The following MTUS2 variants were observed in gnomAD, a reference collection of about 807,000 sequenced individuals.
MTUS2 encodes the protein microtubule associated scaffold protein 2.
In MTUS2, 40 loss-of-function variants were observed where a neutral mutation model predicts 114.1. The ratio of observed to expected loss-of-function variants is 0.35; its 90% CI spans 0.27 to 0.46. MTUS2 has a LOEUF of 0.46. Ranked by LOEUF, MTUS2 falls within the 20% of genes least tolerant of loss-of-function variation. The pLI is 1.00. For synonymous variants in MTUS2, 688 were observed against 672.0 expected, an observed-to-expected ratio of 1.02 and a Z score of -0.37; for missense variants, 1,679 against 1,705.4, an observed-to-expected ratio of 0.98 and a Z score of 0.27.
intron 2 of MTUS2, among the ~76,000 whole-genome samples, chr13:28,958,694 A>T (rs1883183928): frequency 6.6e-6 from 1 of 152,202 alleles, no homozygotes; most frequent in Non-Finnish European, 1.5e-5. Context: ...AATTGGGTCA[A>T]CAGGTCCCAT....
chr13:28,995,217 G>T (rs541483213), intron 2 of MTUS2, among the ~76,000 whole-genome samples: 115 of 152,284 alleles, frequency 7.6e-4, no homozygotes, highest in African/African-American at 2.6e-3. Context: ...TTGCAGATAT[G>T]CAGCATTATT....
chr13:29,075,002 C>T lies in MTUS2; in HGVS notation c.2447-25771C>T, dbSNP rs533866684. Among the ~76,000 whole-genome samples the T allele has an allele frequency of 9.2e-5, 14 of 152,310 alleles. No homozygotes were observed. In the South Asian group the frequency reaches 1.5e-3, roughly 16 times the overall value. On this transcript the variant is annotated intron_variant, in intron 4 of 15. Transcript: ENST00000612955. ...AAAAAGAAACTTATCAATATACTGTCGCTCCAGATTTCTCAAGCCCCAGCC... is the reference window on the plus strand; with the variant it reads ...AAAAAGAAACTTATCAATATACTGTTGCTCCAGATTTCTCAAGCCCCAGCC...
At chr13:28,899,857 G>T (rs1449459027) in intron 2 of MTUS2, among the ~76,000 whole-genome samples, 1 of 151,948 alleles carries the variant, frequency 6.6e-6, no homozygotes, top group Non-Finnish European at 1.5e-5. Flanking sequence ...ATTGTTCTTT[G>T]CTCAATTAAA....
chr13:28,890,256 A>G (rs1238171008), intron 2 of MTUS2, among the ~76,000 whole-genome samples: 2 of 152,208 alleles, frequency 1.3e-5, no homozygotes, highest in Non-Finnish European at 2.9e-5. Context: ...GAGTGTTATT[A>G]TAGCCATGCT....
chr13:28,866,408 A>C (rs934076658), intron 2 of MTUS2, among the ~76,000 whole-genome samples: 1 of 152,150 alleles, frequency 6.6e-6, no homozygotes, highest in Non-Finnish European at 1.5e-5. Flanking sequence ...GGAGAGCATG[A>C]TAGTAGCGAA....
intron 4 of MTUS2, among the ~76,000 whole-genome samples, chr13:29,086,727 A>T (rs1031942388): frequency 6.6e-6 from 1 of 152,170 alleles, no homozygotes; most frequent in African/African-American, 2.4e-5. Flanking sequence ...TGGCCATTTT[A>T]ACAATGTTGA....
chr13:29,065,044 T>A (rs561095481), intron 4 of MTUS2, among the ~76,000 whole-genome samples: 2 of 152,342 alleles, frequency 1.3e-5, no homozygotes, highest in East Asian at 3.9e-4. Flanking sequence ...GCATTTAGAT[T>A]GATTCCATGT....
intron 2 of MTUS2, among the ~76,000 whole-genome samples, chr13:29,002,218 T>G (rs1885416323): frequency 6.6e-6 from 1 of 152,210 alleles, no homozygotes; most frequent in Non-Finnish European, 1.5e-5. Flanking sequence ...AGAGCCTACC[T>G]TCCTTCACTT....
At chr13:29,179,223 A>G (rs1400147560) in intron 5 of MTUS2, among the ~76,000 whole-genome samples, 1 of 152,222 alleles carries the variant, frequency 6.6e-6, no homozygotes, top group African/African-American at 2.4e-5. Context: ...TTAACACCCA[A>G]GAGGTTAGTA....
At chr13:28,956,996 A>G (rs1256380206) in intron 2 of MTUS2, among the ~76,000 whole-genome samples, 1 of 152,172 alleles carries the variant, frequency 6.6e-6, no homozygotes, top group Non-Finnish European at 1.5e-5. Context: ...GCTGGCGGGA[A>G]GGAAGTGTGG....
chr13:29,278,615 C>G (rs1444687676), intron 5 of MTUS2, among the ~76,000 whole-genome samples: 1 of 152,178 alleles, frequency 6.6e-6, no homozygotes, highest in Admixed American at 6.5e-5. Flanking sequence ...TCCAGTGATG[C>G]TACATTTACT....
At chr13:29,225,486 A>C (rs905811032) in intron 5 of MTUS2, among the ~76,000 whole-genome samples, 2 of 152,200 alleles carry the variant, frequency 1.3e-5, no homozygotes, top group Admixed American at 1.3e-4. Context: ...CAATCATAGA[A>C]TTGAGGGTGA....
chr13:29,180,372 A>C (rs973932674), intron 5 of MTUS2, among the ~76,000 whole-genome samples: 3 of 152,268 alleles, frequency 2.0e-5, no homozygotes, highest in African/African-American at 2.4e-5. Flanking sequence ...AGTATCATAA[A>C]GAAACAAGCA....
chr13:29,193,977 A>G (rs1894559049), intron 5 of MTUS2, among the ~76,000 whole-genome samples: 1 of 152,038 alleles, frequency 6.6e-6, no homozygotes, highest in South Asian at 2.1e-4. Flanking sequence ...AAACCTGAGA[A>G]AAACAAGCAA....
chr13:29,266,339 G>T (rs192347549), intron 5 of MTUS2, among the ~76,000 whole-genome samples: 7 of 152,278 alleles, frequency 4.6e-5, no homozygotes, highest in Admixed American at 2.0e-4. Context: ...ACAGAGCCAA[G>T]ATCTGAACCC....
At position 29,503,452 on chromosome 13, in the gene MTUS2, C is replaced by A. The variant is rs753375209; in HGVS notation, c.*246C>A. 9 of 583,782 alleles carry A rather than the reference C, an allele frequency of 1.5e-5. No homozygotes were observed. Among genetic ancestry groups the A allele is most frequent in the Non-Finnish European group, 2.1e-5 (7 of 327,620 alleles). The allele number at this position is 583,782 out of a possible 1,614,324, so 36.2% of individuals were successfully genotyped here. A position where few individuals can be genotyped will look rare whatever the true frequency, so the allele number is the denominator to read the frequency against. On this transcript the variant is annotated 3_prime_UTR_variant, in exon 16 of 16. Transcript: ENST00000612955. ...GTTAGAGCCAAAAGAAAGACACTTG[C>A]AATTGTTCTTGAGCAATGAACTTTC... is the stretch of plus-strand genomic sequence containing the variant.
intron 2 of MTUS2, among the ~76,000 whole-genome samples, chr13:29,020,489 A>C (rs918818992): frequency 6.6e-6 from 1 of 152,172 alleles, no homozygotes; most frequent in African/African-American, 2.4e-5. Context: ...TTATGGCAGG[A>C]TGAGGGAGCT....
intron 5 of MTUS2, among the ~76,000 whole-genome samples, chr13:29,117,584 A>G (rs372622358): frequency 4.6e-5 from 7 of 152,210 alleles, no homozygotes; most frequent in African/African-American, 1.7e-4. Context: ...CTGTGTCTAC[A>G]TGTACACACT....
chr13:29,156,608 C>T (rs1393362508), intron 5 of MTUS2, among the ~76,000 whole-genome samples: 1 of 152,162 alleles, frequency 6.6e-6, no homozygotes, highest in East Asian at 1.9e-4. Flanking sequence ...CTCTGAGCTT[C>T]TTTCGTCAAA....
Sources: gnomAD v4.1 joint callset for allele counts (sites outside exome capture counted in the v4.1 genomes callset) on GRCh38, gnomAD v4.1.1 for gene constraint, MANE v1.5 for transcripts, NCBI Gene and HGNC (gene_info 2026-07-23, HGNC 2026-07-21) for gene names.